FNDC3B: variants seen among roughly 807,000 people sequenced by gnomAD.
FNDC3B encodes fibronectin type III domain-containing protein 3B.
In FNDC3B, 12 loss-of-function variants were observed where a neutral mutation model predicts 151.5. The observed-to-expected ratio is 0.08, with a 90% CI of 0.05 to 0.13. The LOEUF (loss-of-function observed/expected upper bound fraction) is 0.13. Among genes scored for constraint, FNDC3B ranks in the 10% least tolerant of loss-of-function variants. The pLI is 1.00. For missense variants in FNDC3B, 1,214 were observed against 1,505.3 expected (o/e 0.81, Z 3.20); for synonymous variants, 528 against 549.0 (o/e 0.96, Z 0.54).
intron 13 of FNDC3B, among the ~76,000 whole-genome samples, chr3:172,331,623 G>A (rs891302948): frequency 2.0e-5 from 3 of 152,066 alleles, no homozygotes; most frequent in South Asian, 2.1e-4. Context: ...GCCTCCCAAA[G>A]TGCTGGGATT....
intron 2 of FNDC3B, 54 bp from the exon 3 acceptor site, chr3:172,133,417 A>T: frequency 7.2e-7 from 1 of 1,393,208 alleles, no homozygotes; most frequent in Non-Finnish European, 1.0e-6. Context: ...AATAACACTT[A>T]ACAAATCCCA....
chr3:172,148,474 G>A (rs1039583432), intron 3 of FNDC3B: 1 of 152,094 alleles, frequency 6.6e-6, no homozygotes, highest in Non-Finnish European at 1.5e-5. Context: ...GAAAGGAAGT[G>A]ACTCAGAATT....
chr3:172,043,781 T>C (rs1359873646), intron 1 of FNDC3B, among the ~76,000 whole-genome samples: 1 of 152,194 alleles, frequency 6.6e-6, no homozygotes, highest in Non-Finnish European at 1.5e-5. Context: ...TGGAAAAATC[T>C]TTAAATTGTA....
intron 22 of FNDC3B, 84 bp downstream of exon 22, chr3:172,353,167 G>T (rs1049678008): frequency 3.1e-6 from 4 of 1,297,630 alleles, no homozygotes; most frequent in South Asian, 1.4e-5. Context: ...TGACCAAGTG[G>T]ATGTCATCTC....
intron 1 of FNDC3B, among the ~76,000 whole-genome samples, chr3:172,111,435 C>G (rs963009457): frequency 6.6e-6 from 1 of 152,234 alleles, no homozygotes; most frequent in African/African-American, 2.4e-5. Flanking sequence ...ATTATAAGAC[C>G]TGTTATTATA....
intron 3 of FNDC3B, among the ~76,000 whole-genome samples, chr3:172,179,922 G>A (rs910676370): frequency 6.7e-6 from 1 of 148,584 alleles, no homozygotes; most frequent in Non-Finnish European, 1.5e-5. Context: ...CCTTAGTTTC[G>A]TTTCTTCATC....
At chr3:172,124,195 A>G (rs187263040) in intron 2 of FNDC3B, among the ~76,000 whole-genome samples, 88 of 152,238 alleles carry the variant, frequency 5.8e-4, no homozygotes, top group African/African-American at 2.1e-3. Context: ...GGTTCAAGCA[A>G]TTCTCCTGCC....
At chr3:172,313,688 T>C (rs1731635868) in intron 11 of FNDC3B, among the ~76,000 whole-genome samples, 1 of 152,246 alleles carries the variant, frequency 6.6e-6, no homozygotes, top group South Asian at 2.1e-4. Flanking sequence ...CGTTGCCATA[T>C]GCTTCTCAAA....
intron 3 of FNDC3B, among the ~76,000 whole-genome samples, chr3:172,217,071 C>T (rs7611863): frequency 0.16 from 12,358 of 75,724 alleles, 836 homozygotes; most frequent in African/African-American, 0.36. Context: ...TTACTCATTC[C>T]GCATGCCATT....
In FNDC3B at chr3:172,214,608, G is replaced by A. The variant is rs968903111; in HGVS notation, c.188-12263G>A. On this transcript the variant is annotated intron_variant, in intron 3 of 25. Transcript: ENST00000415807. ...CAGCCTTCTAGATTGGCAAGAAAGT[G>A]GCATCAGGTAGATAAACTATGACTC... Among the ~76,000 whole-genome samples the A allele has an allele frequency of 2.6e-5, 4 of 152,068 alleles. No individual in the cohort carries two copies. In the South Asian group the frequency reaches 8.3e-4, roughly 32 times the overall value.
At chr3:172,252,324 A>G (rs567806921) in intron 6 of FNDC3B, among the ~76,000 whole-genome samples, 2 of 152,236 alleles carry the variant, frequency 1.3e-5, no homozygotes, top group African/African-American at 4.8e-5. Flanking sequence ...AGGTGAGTTT[A>G]TAGATATAAA....
intron 2 of FNDC3B, among the ~76,000 whole-genome samples, chr3:172,113,203 A>C (rs1720065864): frequency 6.6e-6 from 1 of 152,234 alleles, no homozygotes; most frequent in African/African-American, 2.4e-5. Flanking sequence ...TCTAACATTA[A>C]TTAAAAATTT....
chr3:172,091,779 A>T (rs1001701345), intron 1 of FNDC3B, among the ~76,000 whole-genome samples: 3 of 152,030 alleles, frequency 2.0e-5, no homozygotes, highest in African/African-American at 7.3e-5. Context: ...TGGAATTTGT[A>T]TTTAGTCATC....
At chr3:172,323,652 A>G (rs966629555) in intron 11 of FNDC3B, among the ~76,000 whole-genome samples, 9 of 152,212 alleles carry the variant, frequency 5.9e-5, no homozygotes, top group African/African-American at 1.9e-4. Context: ...ATTCTCTGCT[A>G]TGTAGCCACA....
Position 172,232,899 on chromosome 3 carries a change from G to A in FNDC3B, c.264+5952G>A, listed in dbSNP as rs544502159. ...AAGAATTAGGAGAAATGTTATGTGA[G>A]GTGTGGCACTCAGTAAGTAGTAGCT... On this transcript the variant is annotated intron_variant, in intron 4 of 25. Transcript: ENST00000415807. Among the ~76,000 whole-genome samples the A allele has an allele frequency of 3.3e-5, 5 of 152,294 alleles. No individual in the cohort carries two copies. The East Asian group carries it at 5.8e-4, about 18-fold the overall frequency.
At chr3:172,268,497 C>T (rs547423793) in intron 6 of FNDC3B, among the ~76,000 whole-genome samples, 5 of 152,094 alleles carry the variant, frequency 3.3e-5, no homozygotes, top group East Asian at 1.9e-4. Flanking sequence ...GTGGTATCAG[C>T]CAAGATAATA....
At chr3:172,241,469 G>A (rs747106689) in intron 4 of FNDC3B, among the ~76,000 whole-genome samples, 1 of 152,050 alleles carries the variant, frequency 6.6e-6, no homozygotes, top group Non-Finnish European at 1.5e-5. Context: ...TAGGAAAAAG[G>A]TTTAATCAGA....
chr3:172,349,757 G>A (rs949622735), intron 21 of FNDC3B, among the ~76,000 whole-genome samples: 1 of 152,136 alleles, frequency 6.6e-6, no homozygotes, highest in African/African-American at 2.4e-5. Flanking sequence ...ACAGGTTCAA[G>A]CGATTCTCCT....
At chr3:172,190,628 T>A (rs1464230493) in intron 3 of FNDC3B, among the ~76,000 whole-genome samples, 4 of 152,190 alleles carry the variant, frequency 2.6e-5, no homozygotes, top group African/African-American at 7.2e-5. Flanking sequence ...TATTCAAAAA[T>A]TTGCCTTGGT....
Sources: gnomAD v4.1 joint callset for allele counts (sites outside exome capture counted in the v4.1 genomes callset) on GRCh38, gnomAD v4.1.1 for gene constraint, MANE v1.5 for transcripts, NCBI Gene and HGNC (gene_info 2026-07-23, HGNC 2026-07-21) for gene names.